The following TCF7L1 variants were observed in gnomAD, a reference collection of about 807,000 sequenced individuals.
The protein encoded by TCF7L1 is transcription factor 7-like 1.
Under a neutral mutation model 63.7 loss-of-function variants are expected in TCF7L1, and 18 were observed. The observed-to-expected ratio is 0.28, with a 90% CI of 0.20 to 0.42. TCF7L1 has a LOEUF of 0.42. TCF7L1 is among the 10% of genes least tolerant of loss of function. TCF7L1 has a pLI of 1.00. For synonymous variants in TCF7L1, 355 were observed against 340.9 expected, an observed-to-expected ratio of 1.04 and a Z score of -0.46; for missense variants, 654 against 779.3, an observed-to-expected ratio of 0.84 and a Z score of 1.91.
intron 5 of TCF7L1, among the ~76,000 whole-genome samples, chr2:85,303,228 G>T (rs1682026057): frequency 6.6e-6 from 1 of 151,980 alleles, no homozygotes; most frequent in Non-Finnish European, 1.5e-5. Flanking sequence ...GTAGAGATGG[G>T]TTTCTGCCAT....
At chr2:85,307,747 T>A (rs1199858843) in intron 11 of TCF7L1, 30 bp downstream of exon 11, 7 of 1,603,222 alleles carry the variant, frequency 4.4e-6, no homozygotes, top group African/African-American at 1.3e-5. Context: ...CCTCTTCTCC[T>A]GCTTTTCCTT....
chr2:85,229,451 A>C (rs1339010814), intron 3 of TCF7L1, among the ~76,000 whole-genome samples: 1 of 152,266 alleles, frequency 6.6e-6, no homozygotes, highest in Non-Finnish European at 1.5e-5. Flanking sequence ...AGAGATGGAG[A>C]GAGAAAGAAC....
At chr2:85,293,074 G>A (rs1681762743) in intron 4 of TCF7L1, among the ~76,000 whole-genome samples, 1 of 152,208 alleles carries the variant, frequency 6.6e-6, no homozygotes, top group Non-Finnish European at 1.5e-5. Flanking sequence ...CCTTCTCATG[G>A]CATGTGGCAG....
chr2:85,149,352 C>A (rs1677956561), intron 3 of TCF7L1, among the ~76,000 whole-genome samples: 1 of 147,952 alleles, frequency 6.8e-6, no homozygotes, highest in Non-Finnish European at 1.5e-5. Flanking sequence ...TGTATACACA[C>A]ACACACTAAC....
chr2:85,142,481 A>T (rs867986653), intron 3 of TCF7L1, among the ~76,000 whole-genome samples: 29 of 143,324 alleles, frequency 2.0e-4, no homozygotes, highest in African/African-American at 4.9e-4. Flanking sequence ...GTATATATAT[A>T]ATATATATAT....
intron 4 of TCF7L1, among the ~76,000 whole-genome samples, chr2:85,301,359 C>A (rs1423807398): frequency 6.6e-6 from 1 of 152,112 alleles, no homozygotes; most frequent in Non-Finnish European, 1.5e-5. Flanking sequence ...ATCACAGCTT[C>A]TTTTCTAGGT....
chr2:85,244,681 G>A (rs1377499024), intron 3 of TCF7L1, among the ~76,000 whole-genome samples: 1 of 152,170 alleles, frequency 6.6e-6, no homozygotes, highest in Admixed American at 6.5e-5. Context: ...GAGAGTGATA[G>A]GTGGGGTAAT....
At chr2:85,170,241 A>G (rs1028732971) in intron 3 of TCF7L1, among the ~76,000 whole-genome samples, 19 of 152,102 alleles carry the variant, frequency 1.2e-4, no homozygotes, top group African/African-American at 4.1e-4. Context: ...TGGGGCAGAG[A>G]CTGTATCTTC....
chr2:85,214,046 G>C (rs1679632720), intron 3 of TCF7L1, among the ~76,000 whole-genome samples: 1 of 152,168 alleles, frequency 6.6e-6, no homozygotes, highest in African/African-American at 2.4e-5. Flanking sequence ...GCGGTGAGAG[G>C]TGTGAGGGAT....
At chr2:85,155,518 A>C (rs1184112967) in intron 3 of TCF7L1, among the ~76,000 whole-genome samples, 6 of 152,222 alleles carry the variant, frequency 3.9e-5, no homozygotes, top group Non-Finnish European at 8.8e-5. Flanking sequence ...TTCTGGACAC[A>C]GTGGGACTTG....
Position 85,211,341 on chromosome 2 carries a change from G to A in TCF7L1, c.442-72154G>A, listed in dbSNP as rs150267964. ...CTGCCCCTGATGTCTGTGACTTTCGGTCAGAGACTTAACCTCTCTGATCTT... is the reference window on the plus strand; with the variant it reads ...CTGCCCCTGATGTCTGTGACTTTCGATCAGAGACTTAACCTCTCTGATCTT... On this transcript the variant is annotated intron_variant, in intron 3 of 11. Coordinates refer to ENST00000282111, the MANE Select transcript of TCF7L1 (RefSeq NM_031283.3). Among the ~76,000 whole-genome samples, 4 of 152,276 alleles carry A rather than the reference G, an allele frequency of 2.6e-5. No homozygotes were observed. In the East Asian group the frequency reaches 7.7e-4, roughly 29 times the overall value.
chr2:85,134,226 G>A lies in TCF7L1; in HGVS notation c.314-97G>A. 7 of 1,473,310 alleles carry A rather than the reference G, an allele frequency of 4.8e-6. No homozygotes were observed. The highest frequency in any genetic ancestry group is 6.3e-6 in the Non-Finnish European group (7 of 1,111,150). 91.3% of individuals were successfully genotyped at this position (1,473,310 alleles called of 1,614,324 possible). A position where few individuals can be genotyped will look rare whatever the true frequency, so the allele number is the denominator to read the frequency against. ...GGCAGCCCCCGTGGGGCGCGCGTGG[G>A]GGGCGCTGGGGTCCCCAGCTCCCGC... On this transcript the variant is annotated intron_variant, in intron 2 of 11. Transcript: ENST00000282111. The surrounding 1 kb of genome is among the most constrained non-coding windows in gnomAD (Gnocchi z 5.0).
rs534335938 is a variant in TCF7L1, at chr2:85,218,225, AACTTT to A, written c.442-65265_442-65261del. Among the ~76,000 whole-genome samples the A allele has an allele frequency of 7.0e-3, 1,048 of 149,438 alleles. 5 individuals are homozygous for A. Among genetic ancestry groups the A allele is most frequent in the Non-Finnish European group, 0.011 (775 of 67,844 alleles). On this transcript the variant is annotated intron_variant, in intron 3 of 11. Transcript: ENST00000282111. ...TCTGAAATGCATCCCACACTTTTCT[AACTTT>A]ACTTATTTTATTTATTTATTTATTT...
intron 3 of TCF7L1, among the ~76,000 whole-genome samples, chr2:85,192,436 C>T (rs1679055955): frequency 6.6e-6 from 1 of 152,034 alleles, no homozygotes; most frequent in Non-Finnish European, 1.5e-5. Context: ...CGATCTGTTG[C>T]CCAGGCAGTG....
intron 7 of TCF7L1, among the ~76,000 whole-genome samples, chr2:85,304,841 G>A (rs1303768082): frequency 6.6e-6 from 1 of 152,194 alleles, no homozygotes; most frequent in Non-Finnish European, 1.5e-5. Flanking sequence ...GGGACTGGGA[G>A]AAGATGAATT....
intron 3 of TCF7L1, among the ~76,000 whole-genome samples, chr2:85,259,060 A>G (rs1461999676): frequency 6.6e-6 from 1 of 152,124 alleles, no homozygotes; most frequent in Non-Finnish European, 1.5e-5. Context: ...ACCATTTGGG[A>G]CAGAAGCCCT....
At chr2:85,247,401 C>A (rs1454462239) in intron 3 of TCF7L1, among the ~76,000 whole-genome samples, 1 of 152,078 alleles carries the variant, frequency 6.6e-6, no homozygotes, top group East Asian at 1.9e-4. Context: ...TAAGTTAGAC[C>A]CTAGTCCGTA....
At chr2:85,181,384 A>C (rs112974073) in intron 3 of TCF7L1, among the ~76,000 whole-genome samples, 1 of 152,216 alleles carries the variant, frequency 6.6e-6, no homozygotes, top group Non-Finnish European at 1.5e-5. Context: ...GTAGAAGGAC[A>C]TATAGGAGGC....
intron 3 of TCF7L1, chr2:85,166,792 C>T (rs1230108177): frequency 6.6e-6 from 1 of 152,210 alleles, no homozygotes; most frequent in Admixed American, 6.5e-5. Context: ...CTCAGTTGAC[C>T]AGGACATCTG....
Sources: allele counts gnomAD v4.1 joint callset (sites outside exome capture counted in the v4.1 genomes callset), GRCh38; gene constraint gnomAD v4.1.1; non-coding constraint Gnocchi (gnomAD v3.1); transcripts MANE v1.5; gene names NCBI Gene and HGNC (gene_info 2026-07-23, HGNC 2026-07-21).